The following SMAD2 variants were observed in gnomAD, a reference collection of about 807,000 sequenced individuals.
SMAD2 encodes SMAD family member 2.
A neutral mutation model predicts 64.4 loss-of-function variants in SMAD2; 8 were observed. The observed-to-expected ratio is 0.12, with a 90% CI of 0.07 to 0.22. The LOEUF is 0.22. SMAD2 is among the 10% of genes least tolerant of loss of function. The pLI is 1.00. For synonymous variants in SMAD2, 203 were observed against 195.8 expected, an observed-to-expected ratio of 1.04 and a Z score of -0.31; for missense variants, 289 against 561.2, an observed-to-expected ratio of 0.51 and a Z score of 4.90.
intron 2 of SMAD2, among the ~76,000 whole-genome samples, chr18:47,889,244 G>C (rs2033064871): frequency 6.6e-6 from 1 of 152,142 alleles, no homozygotes; most frequent in Non-Finnish European, 1.5e-5. Context: ...CATAGTCCAT[G>C]TGTGGGTATT....
At chr18:47,879,655 A>G (rs1415198809) in intron 2 of SMAD2, among the ~76,000 whole-genome samples, 5 of 152,170 alleles carry the variant, frequency 3.3e-5, no homozygotes, top group African/African-American at 1.2e-4. Context: ...GAAAGTACAT[A>G]TCATTATATA....
rs895908537 is a variant in SMAD2 at position 47,841,174 on chromosome 18, C to T, written c.*653G>A. 4.4e-6 allele frequency: 1 copy of T among 228,990 alleles called. No homozygotes were observed. The highest frequency in any genetic ancestry group is 1.9e-4 in the South Asian group (1 of 5,396). The allele number at this position is 228,990 out of a possible 1,614,324, so 14.2% of individuals were successfully genotyped here. On this transcript the variant is annotated 3_prime_UTR_variant, in exon 11 of 11. Transcript: ENST00000262160. ...AAAAAAAACAAAAAAAAACAAAAAA[C>T]CACAAAAAGAATGACTGTTTAAGCC...
In SMAD2 at chr18:47,828,496, G is replaced by A. The variant is rs1912860784; in HGVS notation, c.*13331C>T. 1 of 170,022 alleles carries A rather than the reference G, an allele frequency of 5.9e-6. No homozygotes were observed. Among genetic ancestry groups the A allele is most frequent in the Non-Finnish European group, 1.2e-5 (1 of 82,594 alleles). The allele number at this position is 170,022 out of a possible 1,614,324, so 10.5% of individuals were successfully genotyped here. A position where few individuals can be genotyped will look rare whatever the true frequency, so the allele number is the denominator to read the frequency against. ...GGCGGTTTTGTCGAATAGAAAAGGGGGAAATGTGGGGAAAGGAAAGAGAGA... is the reference window on the plus strand; with the variant it reads ...GGCGGTTTTGTCGAATAGAAAAGGGAGAAATGTGGGGAAAGGAAAGAGAGA... On this transcript the variant is annotated 3_prime_UTR_variant, in exon 11 of 11. Coordinates refer to ENST00000262160, the MANE Select transcript of SMAD2 (RefSeq NM_005901.6).
intron 7 of SMAD2, 119 bp downstream of exon 7, chr18:47,851,155 T>A: frequency 2.8e-6 from 2 of 720,832 alleles, no homozygotes; most frequent in South Asian, 3.2e-5. Context: ...ACATAATTAT[T>A]TGGCTATTCA....
In SMAD2 at chr18:47,836,922, AACTC is replaced by A. The variant is rs1168618811; in HGVS notation, c.*4901_*4904del. The A allele has an allele frequency of 9.5e-6, 2 of 211,374 alleles. No homozygotes were observed. The highest frequency in any genetic ancestry group is 1.9e-5 in the Non-Finnish European group (2 of 104,172). The allele number at this position is 211,374 out of a possible 1,614,324, so 13.1% of individuals were successfully genotyped here. A position where few individuals can be genotyped will look rare whatever the true frequency, so the allele number is the denominator to read the frequency against. The stretch of plus-strand genomic sequence containing the variant: ...AAATTGAAAAGGAAGATATAAAAAG[AACTC>A]AATAGCAGGATTCTGACTACCTCTG... On this transcript the variant is annotated 3_prime_UTR_variant, in exon 11 of 11. Coordinates refer to ENST00000262160, the MANE Select transcript of SMAD2 (RefSeq NM_005901.6).
chr18:47,819,988 G>T lies in SMAD2; in HGVS notation c.*21839C>A, dbSNP rs1598722257. The stretch of plus-strand genomic sequence containing the variant: ...TGAACAGCCACTGAACTCCAGCCTG[G>T]GTAACACAGCAAGACATTGTCTCTA... On this transcript the variant is annotated 3_prime_UTR_variant, in exon 11 of 11. Coordinates refer to ENST00000262160, the MANE Select transcript of SMAD2 (RefSeq NM_005901.6). The T allele has an allele frequency of 6.6e-6, 1 of 152,142 alleles. No homozygotes were observed. The highest frequency in any genetic ancestry group is 2.0e-4 in the South Asian group (1 of 4,990). 9.4% of individuals were successfully genotyped at this position (152,142 alleles called of 1,614,324 possible).
chr18:47,928,625 A>G (rs921239217), intron 1 of SMAD2, among the ~76,000 whole-genome samples: 1 of 127,668 alleles, frequency 7.8e-6, no homozygotes, highest in African/African-American at 2.5e-5. Context: ...TTAAAAGACT[A>G]TTATTTCATG....
At chr18:47,908,751 G>A (rs1248084067) in intron 1 of SMAD2, among the ~76,000 whole-genome samples, 4 of 152,150 alleles carry the variant, frequency 2.6e-5, no homozygotes. Flanking sequence ...CGGAAGTGTT[G>A]CGAGTATCCA....
chr18:47,870,211 AAT>A (rs1313399398), intron 3 of SMAD2, among the ~76,000 whole-genome samples: 1 of 152,140 alleles, frequency 6.6e-6, no homozygotes, highest in Non-Finnish European at 1.5e-5. Flanking sequence ...AGCTAAAATA[AAT>A]ATATAGTTAT....
At position 47,820,535 on chromosome 18, in the gene SMAD2, G is replaced by C. The variant is rs1912532316; in HGVS notation, c.*21292C>G. 6.6e-6 allele frequency: 1 copy of C among 152,130 alleles called. No homozygotes were observed. The highest frequency in any genetic ancestry group is 1.5e-5 in the Non-Finnish European group (1 of 68,020). 9.4% of individuals were successfully genotyped at this position (152,130 alleles called of 1,614,324 possible). On this transcript the variant is annotated 3_prime_UTR_variant, in exon 11 of 11. Coordinates refer to ENST00000262160, the MANE Select transcript of SMAD2 (RefSeq NM_005901.6). ...AGAGAAATATGAAGGAAGTTAATGGGTGTGAGAATGTACCTTTGGTAAGGA... is the reference window on the plus strand; with the variant it reads ...AGAGAAATATGAAGGAAGTTAATGGCTGTGAGAATGTACCTTTGGTAAGGA...
rs776892017 is a variant in SMAD2, at chr18:47,837,213, T to C, written c.*4614A>G. On this transcript the variant is annotated 3_prime_UTR_variant, in exon 11 of 11. Transcript: ENST00000262160. The stretch of plus-strand genomic sequence containing the variant: ...ATTAGGACTCTAGGTATGAAAAGCA[T>C]GTTCCTTTTTTGTTAATAAGTTCAA... 4.0e-5 allele frequency: 8 copies of C among 199,196 alleles called. No individual in the cohort carries two copies. The highest frequency in any genetic ancestry group is 7.3e-5 in the Non-Finnish European group (7 of 96,438). The allele number at this position is 199,196 out of a possible 1,614,324, so 12.3% of individuals were successfully genotyped here.
rs1912456122 is a variant in SMAD2 at position 47,818,664 on chromosome 18, A to C, written c.*23163T>G. The stretch of plus-strand genomic sequence containing the variant: ...CCACCTGGAGATTGTTTTTTCTTAT[A>C]CAATTCAGCCAGTCCTAGCTAAAAA... On this transcript the variant is annotated 3_prime_UTR_variant, in exon 11 of 11. Transcript: ENST00000262160. 6.6e-6 allele frequency: 1 copy of C among 152,258 alleles called. No individual in the cohort carries two copies. The allele number at this position is 152,258 out of a possible 1,614,324, so 9.4% of individuals were successfully genotyped here. A position where few individuals can be genotyped will look rare whatever the true frequency, so the allele number is the denominator to read the frequency against.
chr18:47,899,138 T>C (rs1327042937), intron 1 of SMAD2, among the ~76,000 whole-genome samples: 1 of 152,092 alleles, frequency 6.6e-6, no homozygotes, highest in Non-Finnish European at 1.5e-5. Flanking sequence ...CAGAGTTGAT[T>C]AAGAAAAAGT....
At chr18:47,907,315 A>G (rs1162840287) in intron 1 of SMAD2, among the ~76,000 whole-genome samples, 2 of 152,216 alleles carry the variant, frequency 1.3e-5, no homozygotes, top group East Asian at 3.8e-4. Flanking sequence ...GTGTGCTCAT[A>G]AAAAGGAATA....
chr18:47,920,856 G>A (rs981787653), intron 1 of SMAD2, among the ~76,000 whole-genome samples: 1 of 152,198 alleles, frequency 6.6e-6, no homozygotes, highest in Non-Finnish European at 1.5e-5. Flanking sequence ...GAGGACTGAT[G>A]ATATATTCAG....
chr18:47,898,536 A>G (rs1428718383), intron 1 of SMAD2, among the ~76,000 whole-genome samples: 4 of 152,242 alleles, frequency 2.6e-5, no homozygotes, highest in Non-Finnish European at 4.4e-5. Flanking sequence ...TTTATTTCCC[A>G]TCAAAGAACA....
At position 47,829,818 on chromosome 18, in the gene SMAD2, T is replaced by C. The variant is rs1912917466; in HGVS notation, c.*12009A>G. 2.6e-5 allele frequency: 4 copies of C among 152,258 alleles called. No homozygotes were observed. Among genetic ancestry groups the C allele is most frequent in the Admixed American group, 2.6e-4 (4 of 15,284 alleles). The allele number at this position is 152,258 out of a possible 1,614,324, so 9.4% of individuals were successfully genotyped here. A position where few individuals can be genotyped will look rare whatever the true frequency, so the allele number is the denominator to read the frequency against. Reference sequence around the variant, plus strand: ...ACCAACAAATAATTTGTATGTTAAATTTAAGCATCTGAATTCCGAAATGAT... The same window carrying C: ...ACCAACAAATAATTTGTATGTTAAACTTAAGCATCTGAATTCCGAAATGAT... On this transcript the variant is annotated 3_prime_UTR_variant, in exon 11 of 11. Coordinates refer to ENST00000262160, the MANE Select transcript of SMAD2 (RefSeq NM_005901.6).
At chr18:47,860,427 A>C (rs2031084077) in intron 6 of SMAD2, among the ~76,000 whole-genome samples, 1 of 150,762 alleles carries the variant, frequency 6.6e-6, no homozygotes, top group African/African-American at 2.5e-5. Flanking sequence ...GAATGCCACT[A>C]CCCCTGGCTA....
At chr18:47,905,718 G>A (rs576354669) in intron 1 of SMAD2, among the ~76,000 whole-genome samples, 24 of 152,290 alleles carry the variant, frequency 1.6e-4, no homozygotes, top group East Asian at 1.2e-3. Context: ...TCAACCACAA[G>A]TGCATACCAT....
Sources: allele counts gnomAD v4.1 joint callset (sites outside exome capture counted in the v4.1 genomes callset), GRCh38; gene constraint gnomAD v4.1.1; transcripts MANE v1.5; gene names NCBI Gene and HGNC (gene_info 2026-07-23, HGNC 2026-07-21).